The following PCDHGA7 variants were observed in gnomAD, a reference collection of about 807,000 sequenced individuals.
The protein encoded by PCDHGA7 is protocadherin gamma subfamily A, 7, also known as protocadherin gamma-A7.
A neutral mutation model predicts 58.3 loss-of-function variants in PCDHGA7; 44 were observed. The ratio of observed to expected loss-of-function variants is 0.75; its 90% CI spans 0.59 to 0.97. PCDHGA7 has a LOEUF of 0.97. Ranked by LOEUF, PCDHGA7 falls within the 50% of genes least tolerant of loss-of-function variation. The probability of loss-of-function intolerance (pLI) is 0.00; values close to 1 mark genes in which losing one functional copy is unlikely to be tolerated. For synonymous variants in PCDHGA7, 516 were observed against 504.2 expected, an observed-to-expected ratio of 1.02 and a Z score of -0.31; for missense variants, 1,266 against 1,188.7, an observed-to-expected ratio of 1.06 and a Z score of -0.96.
chr5:141,503,418 A>G (rs1037754214), intron 2 of PCDHGA7, among the ~76,000 whole-genome samples: 1 of 151,528 alleles, frequency 6.6e-6, no homozygotes, highest in Admixed American at 6.6e-5. Context: ...AATATGGTGA[A>G]ACCCCATCTC....
At chr5:141,457,439 C>T (rs2098920819) in intron 1 of PCDHGA7, among the ~76,000 whole-genome samples, 1 of 152,194 alleles carries the variant, frequency 6.6e-6, no homozygotes, top group Non-Finnish European at 1.5e-5. Context: ...CACCAAGCTG[C>T]AGAAGATCAC....
chr5:141,471,196 C>T (rs59385734), intron 1 of PCDHGA7: 16,293 of 151,632 alleles, frequency 0.11, 894 homozygotes, highest in South Asian at 0.15. Context: ...ATTACAGGCA[C>T]CCACCCCCAT....
chr5:141,406,477 A>G (rs1233914824), intron 1 of PCDHGA7, among the ~76,000 whole-genome samples: 1 of 152,166 alleles, frequency 6.6e-6, no homozygotes, highest in Non-Finnish European at 1.5e-5. Flanking sequence ...TTGAGGTTAT[A>G]TTTTTCAGAT....
intron 1 of PCDHGA7, chr5:141,400,317 G>A: frequency 6.2e-7 from 1 of 1,614,078 alleles, no homozygotes; most frequent in Middle Eastern, 1.6e-4. Flanking sequence ...TCTGTGTCAA[G>A]TCTGGACCTG....
rs773474154 is a variant in PCDHGA7, at chr5:141,477,751, G to A, written c.2425-17056G>A. The A allele has an allele frequency of 5.0e-6, 8 of 1,613,712 alleles. No individual in the cohort carries two copies. The highest frequency in any genetic ancestry group is 6.8e-6 in the Non-Finnish European group (8 of 1,180,030). ...CTCATATCAGCGATGGGGGCACCCC[G>A]GTCCTAGCCACCAACATCAGCGTGA... On this transcript the variant is annotated intron_variant, in intron 1 of 3. Transcript: ENST00000518325. The surrounding 1 kb of genome is among the most constrained non-coding windows in gnomAD (Gnocchi z 4.9).
At chr5:141,413,650 C>T (rs1384444202) in intron 1 of PCDHGA7, 2 of 1,613,714 alleles carry the variant, frequency 1.2e-6, no homozygotes, top group Non-Finnish European at 1.7e-6. Flanking sequence ...TTTTCCTCTC[C>T]CGGAAGCTAT....
intron 1 of PCDHGA7, chr5:141,430,990 GA>G (rs1185464233): frequency 1.2e-6 from 2 of 1,613,970 alleles, no homozygotes; most frequent in East Asian, 4.5e-5. Context: ...TTTTCGCCCT[GA>G]ATCCGCGCAG....
chr5:141,420,188 A>G (rs775537913), intron 1 of PCDHGA7: 1 of 1,613,848 alleles, frequency 6.2e-7, no homozygotes, highest in South Asian at 1.1e-5. Context: ...TTGTCCAGCC[A>G]CACAAGATAA....
chr5:141,469,853 G>A (rs549678022), intron 1 of PCDHGA7, among the ~76,000 whole-genome samples: 5 of 152,270 alleles, frequency 3.3e-5, no homozygotes, highest in South Asian at 2.1e-4. Context: ...GATTCAGACC[G>A]GGTGCAATGG....
In PCDHGA7 at chr5:141,512,394, C is replaced by A. The variant is rs750967336; in HGVS notation, c.*1221C>A. 1 of 152,706 alleles carries A rather than the reference C, an allele frequency of 6.5e-6. No homozygotes were observed. The highest frequency in any genetic ancestry group is 1.5e-5 in the Non-Finnish European group (1 of 68,084). The allele number at this position is 152,706 out of a possible 1,614,324, so 9.5% of individuals were successfully genotyped here. ...GACCAAATGAACAGAAAGTCTCAGC[C>A]CAGGATGGGGCTTCTTCAACAGGGC... is the stretch of plus-strand genomic sequence containing the variant. On this transcript the variant is annotated 3_prime_UTR_variant, in exon 4 of 4. Transcript: ENST00000518325.
intron 1 of PCDHGA7, among the ~76,000 whole-genome samples, chr5:141,444,372 T>C (rs967151811): frequency 6.6e-6 from 1 of 151,998 alleles, no homozygotes. Context: ...GGTTTCTCCA[T>C]GTTGGTCAGG....
Position 141,476,376 on chromosome 5 carries a change from T to C in PCDHGA7, c.2425-18431T>C. ...GTGAACCGGGAGACCGGAGAGATGT[T>C]TGTGAACGACCGTCTGGATCGAGAG... On this transcript the variant is annotated intron_variant, in intron 1 of 3. Coordinates refer to ENST00000518325, the MANE Select transcript of PCDHGA7 (RefSeq NM_018920.4). The surrounding 1 kb of genome is among the most constrained non-coding windows in gnomAD (Gnocchi z 7.6). The C allele has an allele frequency of 6.2e-7, 1 of 1,614,060 alleles. No homozygotes were observed. Among genetic ancestry groups the C allele is most frequent in the Non-Finnish European group, 8.5e-7 (1 of 1,180,004 alleles).
At chr5:141,434,695 AAT>A (rs1228504579) in intron 1 of PCDHGA7, among the ~76,000 whole-genome samples, 7 of 152,212 alleles carry the variant, frequency 4.6e-5, no homozygotes, top group Non-Finnish European at 8.8e-5. Flanking sequence ...GCTGTTAATA[AAT>A]ATGTGGGTAA....
chr5:141,472,980 C>CAAAAAAAAAAA (rs60579131), intron 1 of PCDHGA7, among the ~76,000 whole-genome samples: 11 of 86,030 alleles, frequency 1.3e-4, no homozygotes, highest in Non-Finnish European at 1.3e-4. Flanking sequence ...GAGTGAAACT[C>CAAAAAAAAAAA]AAAAAAAAAA....
At position 141,477,379 on chromosome 5, in the gene PCDHGA7, A is replaced by T; in HGVS notation, c.2425-17428A>T. Reference sequence around the variant, plus strand: ...CAGACCTGGATCGGGAGACTGTGCCAGAATACAACCTCAGCATCACCGCCC... The same window carrying T: ...CAGACCTGGATCGGGAGACTGTGCCTGAATACAACCTCAGCATCACCGCCC... On this transcript the variant is annotated intron_variant, in intron 1 of 3. Transcript: ENST00000518325. The surrounding 1 kb of genome is among the most constrained non-coding windows in gnomAD (Gnocchi z 4.9). 1.2e-6 allele frequency: 2 copies of T among 1,614,184 alleles called. No individual in the cohort carries two copies. The highest frequency in any genetic ancestry group is 1.7e-6 in the Non-Finnish European group (2 of 1,180,034).
chr5:141,400,128 G>T, intron 1 of PCDHGA7: 1 of 1,614,080 alleles, frequency 6.2e-7, no homozygotes, highest in Non-Finnish European at 8.5e-7. Context: ...TGCAGGAGGT[G>T]CTGCCGGATA....
At position 141,409,906 on chromosome 5, in the gene PCDHGA7, T is replaced by C. The variant is rs779572711; in HGVS notation, c.2424+24583T>C. Reference sequence around the variant, plus strand: ...CGCGGGTGCTGTACCCAGCTCTGGGTCCTGACGGCTCCGCGTTCTTCGATA... The same window carrying C: ...CGCGGGTGCTGTACCCAGCTCTGGGCCCTGACGGCTCCGCGTTCTTCGATA... On this transcript the variant is annotated intron_variant, in intron 1 of 3. Transcript: ENST00000518325. 6 of 1,613,214 alleles carry C rather than the reference T, an allele frequency of 3.7e-6. No homozygotes were observed. The South Asian group carries it at 6.6e-5, about 18-fold the overall frequency.
In PCDHGA7 at chr5:141,403,923, G is replaced by T. The variant is rs199643799; in HGVS notation, c.2424+18600G>T. 1.2e-3 allele frequency: 1,935 copies of T among 1,613,900 alleles called. 4 individuals carry two copies. Among genetic ancestry groups the T allele is most frequent in the Non-Finnish European group, 1.5e-3 (1,744 of 1,179,882 alleles). On this transcript the variant is annotated intron_variant, in intron 1 of 3. Transcript: ENST00000518325. The stretch of plus-strand genomic sequence containing the variant: ...GAAATGGAAATACAAGCTGAAGATG[G>T]TGGGGGATTGAAAGGGTGGACAAAA...
At chr5:141,389,985 T>C (rs754723585) in intron 1 of PCDHGA7, 5 of 1,614,006 alleles carry the variant, frequency 3.1e-6, no homozygotes, top group Non-Finnish European at 4.2e-6. Flanking sequence ...CTCAGTGCTC[T>C]TCCTCGTGGC....
Sources: gnomAD v4.1 joint callset for allele counts (sites outside exome capture counted in the v4.1 genomes callset) on GRCh38, gnomAD v4.1.1 for gene constraint, Gnocchi (gnomAD v3.1) non-coding constraint, MANE v1.5 for transcripts, NCBI Gene and HGNC (gene_info 2026-07-23, HGNC 2026-07-21) for gene names.